The following NREP variants were observed in gnomAD, a reference collection of about 807,000 sequenced individuals.
The protein encoded by NREP is neuronal regeneration related protein.
A neutral mutation model predicts 8.6 loss-of-function variants in NREP; 5 were observed. The observed-to-expected ratio is 0.58, with a 90% CI of 0.30 to 1.22. The LOEUF is 1.22. Ranked by LOEUF, NREP falls within the 50% of genes most tolerant of loss-of-function variation. The pLI is 0.07. For synonymous variants in NREP, 27 were observed against 28.0 expected (o/e 0.96, Z 0.11); for missense variants, 86 against 82.5 (o/e 1.04, Z -0.17).
At chr5:111,960,614 A>G (rs919284479) in intron 2 of NREP, among the ~76,000 whole-genome samples, 4 of 152,218 alleles carry the variant, frequency 2.6e-5, no homozygotes, top group African/African-American at 9.6e-5. Context: ...GCAAGAATTT[A>G]GAAAATCAAA....
At chr5:111,778,349 T>A (rs1275633723) in intron 2 of NREP, among the ~76,000 whole-genome samples, 1 of 152,110 alleles carries the variant, frequency 6.6e-6, no homozygotes, top group African/African-American at 2.4e-5. Context: ...GTCCACAACA[T>A]CCCATTGAGG....
chr5:111,873,965 A>G (rs1170023707), intron 2 of NREP, among the ~76,000 whole-genome samples: 1 of 151,966 alleles, frequency 6.6e-6, no homozygotes, highest in African/African-American at 2.4e-5. Flanking sequence ...TCTCAGGTGG[A>G]GACAGAGACA....
Position 111,886,817 on chromosome 5 carries a change from T to G in NREP, c.135+88457A>C, listed in dbSNP as rs533797528. ...AAGGGGAACATCACACTCTGGGGAC[T>G]GTTGTGGGGTTGGGGGACGGGGGAG... On this transcript the variant is annotated intron_variant, in intron 2 of 3. Coordinates refer to the NREP transcript ENST00000395634. 2.4e-3 allele frequency among the ~76,000 whole-genome samples: 362 copies of G among 149,534 alleles called. 3 individuals are homozygous for G. Among genetic ancestry groups the G allele is most frequent in the African/African-American group, 8.4e-3 (342 of 40,474 alleles).
chr5:111,885,795 T>A (rs1754228901), intron 2 of NREP, among the ~76,000 whole-genome samples: 1 of 152,192 alleles, frequency 6.6e-6, no homozygotes, highest in Admixed American at 6.5e-5. Context: ...CTGGATCCTT[T>A]CCTTCCACCT....
chr5:111,820,024 G>C (rs1215471049), intron 2 of NREP, among the ~76,000 whole-genome samples: 7 of 152,016 alleles, frequency 4.6e-5, no homozygotes, highest in Non-Finnish European at 1.0e-4. Context: ...AGATTTTTGA[G>C]CTCTCCTCTC....
intron 2 of NREP, among the ~76,000 whole-genome samples, chr5:111,804,066 A>G (rs1752079699): frequency 6.6e-6 from 1 of 152,282 alleles, no homozygotes. Context: ...GTGGTCAGGG[A>G]AAGTTTAATG....
intron 2 of NREP, among the ~76,000 whole-genome samples, chr5:111,777,602 A>G (rs1286192274): frequency 1.3e-5 from 2 of 152,064 alleles, no homozygotes; most frequent in South Asian, 2.1e-4. Flanking sequence ...ATTAACCATT[A>G]TGTGTATATT....
At chr5:111,896,859 T>C (rs1754523790) in intron 2 of NREP, among the ~76,000 whole-genome samples, 1 of 152,134 alleles carries the variant, frequency 6.6e-6, no homozygotes, top group Non-Finnish European at 1.5e-5. Flanking sequence ...CAGGGAGAAA[T>C]ACTAACAGAA....
chr5:111,901,236 T>G (rs1238553828), intron 2 of NREP, among the ~76,000 whole-genome samples: 2 of 152,154 alleles, frequency 1.3e-5, no homozygotes, highest in African/African-American at 4.8e-5. Flanking sequence ...AACAGATTTA[T>G]TCACGAAGGA....
At chr5:111,757,111 G>C in intron 1 of NREP, 25 bp downstream of exon 1, 1 of 729,678 alleles carries the variant, frequency 1.4e-6, no homozygotes, top group Non-Finnish European at 1.7e-6. Context: ...GCTCCCAGCC[G>C]GGGATAGGAA....
At chr5:111,835,945 G>A (rs563975007) in intron 2 of NREP, among the ~76,000 whole-genome samples, 1 of 152,116 alleles carries the variant, frequency 6.6e-6, no homozygotes, top group Non-Finnish European at 1.5e-5. Flanking sequence ...GGATGCAGAT[G>A]TAAGAAACTT....
At chr5:111,815,979 A>G (rs1247221412) in intron 2 of NREP, among the ~76,000 whole-genome samples, 1 of 152,168 alleles carries the variant, frequency 6.6e-6, no homozygotes, top group African/African-American at 2.4e-5. Flanking sequence ...AGAATAAAAG[A>G]CATATGGCTT....
chr5:111,737,174 G>A (rs1005011533), intron 2 of NREP, among the ~76,000 whole-genome samples: 3 of 152,094 alleles, frequency 2.0e-5, no homozygotes, highest in Non-Finnish European at 4.4e-5. Flanking sequence ...GCCTTGTTTG[G>A]GACAAGCAGC....
intron 2 of NREP, among the ~76,000 whole-genome samples, chr5:111,737,715 T>TAAAA (rs554103997): frequency 2.1e-4 from 25 of 119,684 alleles, no homozygotes; most frequent in African/African-American, 5.5e-4. Flanking sequence ...CTCCATTTGC[T>TAAAA]AAAAAAAAAA....
intron 2 of NREP, among the ~76,000 whole-genome samples, chr5:111,898,351 G>A (rs904077711): frequency 5.9e-5 from 9 of 152,172 alleles, no homozygotes; most frequent in Admixed American, 2.0e-4. Context: ...AGATAGAGAC[G>A]AGATTTTCTT....
intron 2 of NREP, among the ~76,000 whole-genome samples, chr5:111,926,008 G>C (rs1755373777): frequency 6.6e-6 from 1 of 152,142 alleles, no homozygotes; most frequent in African/African-American, 2.4e-5. Context: ...GCAGCTGTTA[G>C]GGTTTGGTTT....
chr5:111,828,951 C>A (rs780013947), intron 2 of NREP, among the ~76,000 whole-genome samples: 1 of 152,028 alleles, frequency 6.6e-6, no homozygotes, highest in Non-Finnish European at 1.5e-5. Flanking sequence ...GCATGTGATA[C>A]TATGGGATCA....
intron 2 of NREP, among the ~76,000 whole-genome samples, chr5:111,857,530 G>T (rs1396182973): frequency 6.6e-6 from 1 of 151,920 alleles, no homozygotes; most frequent in Non-Finnish European, 1.5e-5. Flanking sequence ...CTGAGGGTGT[G>T]GATCATATGG....
intron 2 of NREP, among the ~76,000 whole-genome samples, chr5:111,742,293 T>TA (rs1749733180): frequency 6.6e-6 from 1 of 152,138 alleles, no homozygotes; most frequent in Non-Finnish European, 1.5e-5. Flanking sequence ...AGTGGAATCC[T>TA]CTAAATTCAC....
Sources: gnomAD v4.1 joint callset for allele counts (sites outside exome capture counted in the v4.1 genomes callset) on GRCh38, gnomAD v4.1.1 for gene constraint, MANE v1.5 for transcripts, NCBI Gene and HGNC (gene_info 2026-07-23, HGNC 2026-07-21) for gene names.